CLASP1: variants seen among roughly 807,000 people sequenced by gnomAD.
CLASP1 encodes CLIP-associating protein 1.
In CLASP1, 38 loss-of-function variants were observed where a neutral mutation model predicts 192.3. That is an observed-to-expected ratio of 0.20 (90% CI 0.15 to 0.26). The LOEUF (loss-of-function observed/expected upper bound fraction) is 0.26, where lower values mean the gene tolerates loss of function less well. Ranked by LOEUF, CLASP1 falls within the 10% of genes least tolerant of loss-of-function variation. CLASP1 has a pLI of 1.00. For synonymous variants in CLASP1, 691 were observed against 712.8 expected (o/e 0.97, Z 0.49); for missense variants, 1,433 against 1,932.5 (o/e 0.74, Z 4.85).
intron 39 of CLASP1, 34 bp downstream of exon 40, chr2:121,347,004 G>C (rs750562503): frequency 7.6e-7 from 1 of 1,311,070 alleles, no homozygotes; most frequent in East Asian, 2.5e-5. Flanking sequence ...CAGAGCCCAG[G>C]TGTGCGTATC....
intron 8 of CLASP1, among the ~76,000 whole-genome samples, chr2:121,487,173 T>G (rs2093028750): frequency 6.6e-6 from 1 of 152,160 alleles, no homozygotes; most frequent in Non-Finnish European, 1.5e-5. Flanking sequence ...AAATAAGCAC[T>G]GGGTGTGGTC....
chr2:121,497,707 C>T (rs1454391015), intron 8 of CLASP1, among the ~76,000 whole-genome samples: 2 of 151,856 alleles, frequency 1.3e-5, no homozygotes, highest in Non-Finnish European at 2.9e-5. Flanking sequence ...AGGTCAGACC[C>T]AGCTTTTCTT....
rs184004962 is a variant in CLASP1 at position 121,364,986 on chromosome 2, C to T, written c.4077+108G>A. 1,726 of 1,001,778 alleles carry T rather than the reference C, an allele frequency of 1.7e-3. 1 individual carries two copies. Among genetic ancestry groups the T allele is most frequent in the Middle Eastern group, 7.4e-3 (36 of 4,852 alleles). The allele number at this position is 1,001,778 out of a possible 1,614,324, so 62.1% of individuals were successfully genotyped here. On this transcript the variant is annotated intron_variant, in intron 36 of 39. Coordinates refer to ENST00000263710, the Ensembl canonical transcript of CLASP1. ...GAACAAATAAATGTTTTGATGTAAACAGTAAGCACAACCCAGAAAGTAAAG... is the reference window on the plus strand; with the variant it reads ...GAACAAATAAATGTTTTGATGTAAATAGTAAGCACAACCCAGAAAGTAAAG...
chr2:121,387,709 C>A, intron 31 of CLASP1, 54 bp downstream of exon 32: 2 of 1,576,230 alleles, frequency 1.3e-6, no homozygotes, highest in East Asian at 2.2e-5. Flanking sequence ...TAGATAAGGG[C>A]TACGCAGAGG....
intron 6 of CLASP1, 59 bp downstream of exon 6, chr2:121,525,786 A>T: frequency 8.4e-7 from 1 of 1,185,458 alleles, no homozygotes; most frequent in Non-Finnish European, 1.3e-6. Flanking sequence ...GGAACACCAG[A>T]ATGCATCTCA....
At chr2:121,476,465 G>A (rs1019529277) in intron 8 of CLASP1, among the ~76,000 whole-genome samples, 4 of 152,176 alleles carry the variant, frequency 2.6e-5, no homozygotes, top group Admixed American at 2.6e-4. Flanking sequence ...TCTGGTGTCT[G>A]GAACTTGTAA....
At chr2:121,531,116 T>C (rs982955359) in intron 2 of CLASP1, 11 of 636,470 alleles carry the variant, frequency 1.7e-5, no homozygotes, top group South Asian at 3.3e-5. Flanking sequence ...GTGGTTTTAG[T>C]GTCGCAAGTA....
intron 2 of CLASP1, among the ~76,000 whole-genome samples, chr2:121,589,571 G>A (rs927203361): frequency 3.3e-5 from 5 of 151,470 alleles, no homozygotes; most frequent in East Asian, 1.9e-4. Flanking sequence ...CAGAGGTTGC[G>A]GTGAGCCAAG....
chr2:121,613,137 T>C (rs2065886102), intron 1 of CLASP1, among the ~76,000 whole-genome samples: 1 of 152,222 alleles, frequency 6.6e-6, no homozygotes, highest in African/African-American at 2.4e-5. Context: ...AATGTCACTG[T>C]ATCAGTCACC....
At chr2:121,473,486 A>T (rs375209746) in intron 8 of CLASP1, among the ~76,000 whole-genome samples, 2 of 152,224 alleles carry the variant, frequency 1.3e-5, no homozygotes, top group East Asian at 1.9e-4. Flanking sequence ...GACATGAAGG[A>T]TAATATCAAG....
At chr2:121,556,738 G>A (rs1473116269) in intron 2 of CLASP1, among the ~76,000 whole-genome samples, 1 of 152,122 alleles carries the variant, frequency 6.6e-6, no homozygotes, top group African/African-American at 2.4e-5. Context: ...CCCACTGACA[G>A]GCCTTATTGC....
intron 3 of CLASP1, among the ~76,000 whole-genome samples, chr2:121,528,983 G>A (rs1334018503): frequency 6.6e-6 from 1 of 152,126 alleles, no homozygotes; most frequent in African/African-American, 2.4e-5. Flanking sequence ...AAAATCCTTT[G>A]CATGGACAGA....
chr2:121,538,180 A>T (rs1228884226), intron 2 of CLASP1, among the ~76,000 whole-genome samples: 2 of 152,122 alleles, frequency 1.3e-5, no homozygotes, highest in Non-Finnish European at 2.9e-5. Context: ...TTGGGAGGCC[A>T]AGGCAGGTGG....
chr2:121,418,640 G>A (rs765905351), exon 23 of CLASP1: 160 of 1,613,562 alleles, frequency 9.9e-5, no homozygotes, highest in Non-Finnish European at 1.3e-4. Flanking sequence ...GGAAAGCCCC[G>A]AGCAGGGCTT....
chr2:121,520,415 C>G (rs756811687), intron 6 of CLASP1, among the ~76,000 whole-genome samples: 6 of 152,212 alleles, frequency 3.9e-5, no homozygotes, highest in African/African-American at 1.4e-4. Context: ...ACCCCAGCAC[C>G]CCAGCACAGC....
chr2:121,601,004 T>TC (rs1403465158), intron 2 of CLASP1, among the ~76,000 whole-genome samples: 1 of 152,238 alleles, frequency 6.6e-6, no homozygotes, highest in African/African-American at 2.4e-5. Context: ...AAGGTTTCCT[T>TC]CCCCCAAGTG....
At chr2:121,484,707 A>C (rs2092849667) in intron 8 of CLASP1, among the ~76,000 whole-genome samples, 1 of 152,228 alleles carries the variant, frequency 6.6e-6, no homozygotes, top group Non-Finnish European at 1.5e-5. Context: ...AGAAAGGAAC[A>C]AAGGGAGAAT....
chr2:121,377,357 C>A, intron 34 of CLASP1, 142 bp downstream of exon 35: 1 of 644,426 alleles, frequency 1.6e-6, no homozygotes, highest in South Asian at 2.3e-5. Flanking sequence ...TACATGTCAA[C>A]TAAAACTAAA....
At chr2:121,348,350 AGAG>A (rs1029652877) in intron 38 of CLASP1, among the ~76,000 whole-genome samples, 159 bp downstream of exon 39, 6 of 152,358 alleles carry the variant, frequency 3.9e-5, no homozygotes, top group Admixed American at 2.6e-4. Flanking sequence ...GGAAGCCGAC[AGAG>A]GAGGCTGTGA....
Sources: allele counts gnomAD v4.1 joint callset (sites outside exome capture counted in the v4.1 genomes callset), GRCh38; gene constraint gnomAD v4.1.1; transcripts MANE v1.5; gene names NCBI Gene and HGNC (gene_info 2026-07-23, HGNC 2026-07-21).